KITLG: variants seen among roughly 807,000 people sequenced by gnomAD.
KITLG encodes the protein c-Kit ligand.
A neutral mutation model predicts 34.1 loss-of-function variants in KITLG; 13 were observed. That is an observed-to-expected ratio of 0.38 (90% CI 0.25 to 0.61). The LOEUF (loss-of-function observed/expected upper bound fraction) is 0.61, where lower values mean the gene tolerates loss of function less well. Among genes scored for constraint, KITLG ranks in the 20% least tolerant of loss-of-function variants. The pLI, the probability that KITLG is intolerant of heterozygous loss-of-function variation, is 0.60. For missense variants in KITLG, 292 were observed against 318.9 expected (o/e 0.92, Z 0.64); for synonymous variants, 110 against 104.0 (o/e 1.06, Z -0.35).
intron 6 of KITLG, among the ~76,000 whole-genome samples, chr12:88,510,899 T>C (rs1273260842): frequency 6.6e-6 from 1 of 152,184 alleles, no homozygotes; most frequent in Non-Finnish European, 1.5e-5. Context: ...ATTTGCATAA[T>C]TCTATTATGA....
At chr12:88,530,260 G>A (rs1233711028) in intron 3 of KITLG, among the ~76,000 whole-genome samples, 6 of 152,030 alleles carry the variant, frequency 3.9e-5, no homozygotes, top group African/African-American at 7.3e-5. Flanking sequence ...CTCACTTTCC[G>A]TAACCCAGGG....
chr12:88,506,415 C>CT (rs1566018498), intron 7 of KITLG, 37 bp from the exon 8 acceptor site: 2 of 1,387,212 alleles, frequency 1.4e-6, no homozygotes, highest in Non-Finnish European at 2.1e-6. Flanking sequence ...GTAAAATAAT[C>CT]AATGAATGGT....
At chr12:88,532,969 G>A (rs888857013) in intron 2 of KITLG, among the ~76,000 whole-genome samples, 3 of 152,120 alleles carry the variant, frequency 2.0e-5, no homozygotes, top group African/African-American at 4.8e-5. Flanking sequence ...CAGAGCTACT[G>A]AATCTTACTT....
chr12:88,569,164 T>C (rs940151049), intron 1 of KITLG, among the ~76,000 whole-genome samples: 8 of 152,164 alleles, frequency 5.3e-5, no homozygotes, highest in African/African-American at 1.7e-4. Context: ...AGCAAAGAGC[T>C]TGGGAATGCG....
intron 6 of KITLG, among the ~76,000 whole-genome samples, chr12:88,511,375 C>T (rs915510576): frequency 2.6e-5 from 4 of 152,116 alleles, no homozygotes; most frequent in Non-Finnish European, 4.4e-5. Context: ...TCATGTTTGC[C>T]CTGGTTTTCT....
intron 1 of KITLG, among the ~76,000 whole-genome samples, chr12:88,572,577 TA>T (rs1871688373): frequency 1.6e-5 from 2 of 126,132 alleles, no homozygotes; most frequent in Non-Finnish European, 3.3e-5. Context: ...GTACATTATA[TA>T]TATATTATAT....
rs1191932188 is a variant in KITLG at position 88,495,573 on chromosome 12, A to G, written c.*1646T>C. 1 of 152,540 alleles carries G rather than the reference A, an allele frequency of 6.6e-6. No homozygotes were observed. The highest frequency in any genetic ancestry group is 1.5e-5 in the Non-Finnish European group (1 of 68,002). 9.4% of individuals were successfully genotyped at this position (152,540 alleles called of 1,614,324 possible). A position where few individuals can be genotyped will look rare whatever the true frequency, so the allele number is the denominator to read the frequency against. ...GTAGGAATCATCTGGGCTCTTTGGT[A>G]CAAAAAAGAGCAAAGGCCACTTACT... is the stretch of plus-strand genomic sequence containing the variant. On this transcript the variant is annotated 3_prime_UTR_variant, in exon 10 of 10. Transcript: ENST00000644744.
chr12:88,557,953 T>C (rs1202439969), intron 1 of KITLG, among the ~76,000 whole-genome samples: 1 of 152,070 alleles, frequency 6.6e-6, no homozygotes, highest in East Asian at 1.9e-4. Flanking sequence ...AAATCATAAT[T>C]TATACTCTTT....
At position 88,503,018 on chromosome 12, in the gene KITLG, G is replaced by A. The variant is rs1476292226; in HGVS notation, c.*37+2141C>T. On this transcript the variant is annotated intron_variant, in intron 9 of 9. Coordinates refer to ENST00000644744, the MANE Select transcript of KITLG (RefSeq NM_000899.5). ...GAAATATTGCTTCGGAAAATAAAAA[G>A]TGTCAAGCAAACGGTCTATCCATTT... Among the ~76,000 whole-genome samples, 7 of 152,200 alleles carry A rather than the reference G, an allele frequency of 4.6e-5. No individual in the cohort carries two copies. The East Asian group carries it at 1.2e-3, about 25-fold the overall frequency.
intron 6 of KITLG, among the ~76,000 whole-genome samples, chr12:88,514,206 G>A (rs1281203230): frequency 6.6e-6 from 1 of 151,636 alleles, no homozygotes; most frequent in Non-Finnish European, 1.5e-5. Flanking sequence ...ATACCTTTAA[G>A]TGCTTGTAAT....
At chr12:88,534,880 A>T (rs1184873048) in intron 2 of KITLG, 39 of 324,366 alleles carry the variant, frequency 1.2e-4, no homozygotes, top group South Asian at 9.7e-4. Context: ...CTAGTGACAA[A>T]GACAGAGCAG....
chr12:88,575,569 G>T (rs981004277), intron 1 of KITLG, among the ~76,000 whole-genome samples: 2 of 152,150 alleles, frequency 1.3e-5, no homozygotes, highest in Non-Finnish European at 2.9e-5. Flanking sequence ...CAGAAAGGCT[G>T]CAGTCAATTG....
intron 1 of KITLG, among the ~76,000 whole-genome samples, chr12:88,560,950 A>G (rs1266995872): frequency 2.1e-5 from 3 of 145,532 alleles, no homozygotes; most frequent in Non-Finnish European, 4.5e-5. Flanking sequence ...CCTGGGTAAC[A>G]AAGCGAGACT....
intron 3 of KITLG, among the ~76,000 whole-genome samples, chr12:88,531,922 A>G (rs1335008034): frequency 6.6e-6 from 1 of 152,186 alleles, no homozygotes; most frequent in African/African-American, 2.4e-5. Flanking sequence ...TAGGCATTAT[A>G]TTCAGTATTA....
rs577308153 is a variant in KITLG, at chr12:88,541,739, T to A, written c.129+4013A>T. Among the ~76,000 whole-genome samples the A allele has an allele frequency of 6.0e-4, 91 of 152,286 alleles. 1 individual carries two copies. The South Asian group carries it at 0.019, about 32-fold the overall frequency. ...TCTGTAAATAGATGAACTATTATGC[T>A]TAGTAAACAGGCCAGAAGCATTTCG... On this transcript the variant is annotated intron_variant, in intron 2 of 9. Transcript: ENST00000644744.
intron 1 of KITLG, chr12:88,564,139 C>G (rs1468395172): frequency 6.6e-6 from 1 of 151,978 alleles, no homozygotes; most frequent in Non-Finnish European, 1.5e-5. Context: ...GAAATTCATC[C>G]TCATGGTAGA....
intron 7 of KITLG, 92 bp from the exon 8 acceptor site, chr12:88,506,470 C>T: frequency 2.4e-6 from 2 of 841,764 alleles, no homozygotes; most frequent in South Asian, 1.4e-5. Context: ...TCTTTTATGG[C>T]AATAACTCCA....
chr12:88,572,595 TTATATATATATA>T (rs58146008), intron 1 of KITLG, among the ~76,000 whole-genome samples: 1 of 134,930 alleles, frequency 7.4e-6, no homozygotes, highest in Non-Finnish European at 1.6e-5. Flanking sequence ...ATATACATTA[TTATATATATATA>T]TATATATATA....
chr12:88,511,998 C>A (rs1476759868), intron 6 of KITLG, among the ~76,000 whole-genome samples: 1 of 152,102 alleles, frequency 6.6e-6, no homozygotes, highest in African/African-American at 2.4e-5. Flanking sequence ...TAATATCCAG[C>A]ATATATTAAA....
Sources: gnomAD v4.1 joint callset for allele counts (sites outside exome capture counted in the v4.1 genomes callset) on GRCh38, gnomAD v4.1.1 for gene constraint, MANE v1.5 for transcripts, NCBI Gene and HGNC (gene_info 2026-07-23, HGNC 2026-07-21) for gene names.